SLC25A21: variants seen among roughly 807,000 people sequenced by gnomAD.
The protein encoded by SLC25A21 is mitochondrial 2-oxodicarboxylate carrier.
In SLC25A21, 47 loss-of-function variants were observed where a neutral mutation model predicts 43.8. The observed-to-expected ratio is 1.07, with a 90% CI of 0.85 to 1.37. The LOEUF (loss-of-function observed/expected upper bound fraction) is 1.37, where lower values mean the gene tolerates loss of function less well. SLC25A21 is among the 40% of genes most tolerant of loss of function. The pLI, the probability that SLC25A21 is intolerant of heterozygous loss-of-function variation, is 0.00. For synonymous variants in SLC25A21, 131 were observed against 121.3 expected (o/e 1.08, Z -0.52); for missense variants, 352 against 350.2 (o/e 1.00, Z -0.04).
intron 2 of SLC25A21, among the ~76,000 whole-genome samples, chr14:36,850,920 A>C (rs17105509): frequency 0.048 from 7,330 of 152,252 alleles, 278 homozygotes; most frequent in East Asian, 0.16. Flanking sequence ...CTGGCAACAG[A>C]GAGTCCTTTC....
At chr14:36,787,298 G>T (rs964215440) in intron 3 of SLC25A21, among the ~76,000 whole-genome samples, 1 of 152,188 alleles carries the variant, frequency 6.6e-6, no homozygotes, top group Non-Finnish European at 1.5e-5. Context: ...AAGTGGGGAA[G>T]CAGTAATTTA....
At chr14:36,691,166 T>A (rs1882780081) in intron 7 of SLC25A21, among the ~76,000 whole-genome samples, 1 of 152,214 alleles carries the variant, frequency 6.6e-6, no homozygotes, top group South Asian at 2.1e-4. Context: ...TATCGGTGAC[T>A]CTGAGACTGC....
intron 7 of SLC25A21, among the ~76,000 whole-genome samples, chr14:36,692,023 T>C (rs1009536354): frequency 6.6e-6 from 1 of 152,224 alleles, no homozygotes; most frequent in Non-Finnish European, 1.5e-5. Context: ...CATTCACAAA[T>C]GAGAAAACTG....
intron 1 of SLC25A21, among the ~76,000 whole-genome samples, chr14:36,951,744 A>G (rs1252875761): frequency 5.9e-5 from 9 of 152,174 alleles, no homozygotes; most frequent in South Asian, 4.1e-4. Context: ...ACACAGAATC[A>G]ATTCAGAGCT....
intron 3 of SLC25A21, among the ~76,000 whole-genome samples, chr14:36,791,571 G>C (rs1887484551): frequency 6.6e-6 from 1 of 152,080 alleles, no homozygotes; most frequent in Admixed American, 6.6e-5. Flanking sequence ...TTCAAACAAT[G>C]TAATAAAAAT....
At chr14:36,708,039 A>G (rs1217908027) in intron 7 of SLC25A21, among the ~76,000 whole-genome samples, 1 of 152,166 alleles carries the variant, frequency 6.6e-6, no homozygotes, top group Non-Finnish European at 1.5e-5. Flanking sequence ...AGGTGGGAGG[A>G]TCATTTGAGC....
chr14:37,172,070 A>G, intron 1 of SLC25A21: 1 of 547,840 alleles, frequency 1.8e-6, no homozygotes, highest in South Asian at 2.9e-5. Flanking sequence ...GCGGACGCCG[A>G]GGCAACTTTA....
At chr14:37,105,766 T>G (rs8005504) in intron 1 of SLC25A21, among the ~76,000 whole-genome samples, 123,959 of 152,050 alleles carry the variant, frequency 0.82, 53,316 homozygotes, top group South Asian at 0.98. Flanking sequence ...AGAATTCTAG[T>G]AGTAGAATTC....
intron 1 of SLC25A21, among the ~76,000 whole-genome samples, chr14:37,060,049 A>G (rs1026711627): frequency 6.6e-6 from 1 of 152,176 alleles, no homozygotes; most frequent in Non-Finnish European, 1.5e-5. Context: ...TATGGAATAA[A>G]TGTAACAAAT....
chr14:36,901,196 T>A (rs1397789185), intron 1 of SLC25A21, among the ~76,000 whole-genome samples: 1 of 152,206 alleles, frequency 6.6e-6, no homozygotes, highest in Non-Finnish European at 1.5e-5. Context: ...GATTTAGGAA[T>A]GGATCTTTGA....
At chr14:37,051,509 A>G (rs1223811762) in intron 1 of SLC25A21, among the ~76,000 whole-genome samples, 1 of 152,222 alleles carries the variant, frequency 6.6e-6, no homozygotes, top group Non-Finnish European at 1.5e-5. Flanking sequence ...ATGGTGACCT[A>G]TTCTTACCTA....
chr14:37,123,155 C>T (rs1448441417), intron 1 of SLC25A21, among the ~76,000 whole-genome samples: 36 of 152,160 alleles, frequency 2.4e-4, no homozygotes, highest in Admixed American at 2.4e-3. Context: ...AAAGAAAATA[C>T]TTCAAGGTTA....
At chr14:36,952,336 G>T (rs975323890) in intron 1 of SLC25A21, 1 of 153,710 alleles carries the variant, frequency 6.5e-6, no homozygotes, top group Non-Finnish European at 1.5e-5. Context: ...GCAGGAAATA[G>T]AAACAAATAG....
Position 37,155,448 on chromosome 14 carries a change from T to C in SLC25A21, c.70+16833A>G, listed in dbSNP as rs149078059. ...CAGATACAGGTGGCTCAACAATACCTAGGAAGATACAATGCCAAAAAGTTT... is the reference window on the plus strand; with the variant it reads ...CAGATACAGGTGGCTCAACAATACCCAGGAAGATACAATGCCAAAAAGTTT... On this transcript the variant is annotated intron_variant, in intron 1 of 9. Transcript: ENST00000331299. 6.3e-3 allele frequency among the ~76,000 whole-genome samples: 957 copies of C among 152,310 alleles called. 9 individuals carry two copies. The highest frequency in any genetic ancestry group is 0.02 in the African/African-American group (826 of 41,566).
At chr14:36,695,765 G>A (rs556580151) in intron 7 of SLC25A21, among the ~76,000 whole-genome samples, 1 of 152,334 alleles carries the variant, frequency 6.6e-6, no homozygotes, top group East Asian at 1.9e-4. Context: ...TTTGTATCCT[G>A]AGACTTTCCT....
In SLC25A21 at chr14:36,678,251, C is replaced by T. The variant is rs1246641382; in HGVS notation, c.*2407G>A. ...GGTTTTCAAATCACTAGGATGTAAA[C>T]AGTAAGCAGATTTCTGACACACAAA... On this transcript the variant is annotated 3_prime_UTR_variant, in exon 10 of 10. Transcript: ENST00000331299. The T allele has an allele frequency of 5.4e-6, 3 of 556,420 alleles. No homozygotes were observed. Among genetic ancestry groups the T allele is most frequent in the Non-Finnish European group, 6.4e-6 (2 of 311,210 alleles). The allele number at this position is 556,420 out of a possible 1,614,324, so 34.5% of individuals were successfully genotyped here.
At chr14:36,892,780 T>G (rs868202578) in intron 1 of SLC25A21, among the ~76,000 whole-genome samples, 8 of 152,030 alleles carry the variant, frequency 5.3e-5, no homozygotes, top group Non-Finnish European at 1.0e-4. Context: ...TTCCCACCTA[T>G]GAGTGAGAAC....
At chr14:37,040,626 C>T (rs973522008) in intron 1 of SLC25A21, among the ~76,000 whole-genome samples, 4 of 151,662 alleles carry the variant, frequency 2.6e-5, no homozygotes, top group Non-Finnish European at 5.9e-5. Context: ...ATTAAATTTA[C>T]TTTTTCTGTG....
chr14:37,001,094 C>T (rs778080022), intron 1 of SLC25A21, among the ~76,000 whole-genome samples: 5 of 152,126 alleles, frequency 3.3e-5, no homozygotes, highest in Non-Finnish European at 7.3e-5. Context: ...TAGCACTTGC[C>T]ACTTTCTGAT....
Sources: allele counts gnomAD v4.1 joint callset (sites outside exome capture counted in the v4.1 genomes callset), GRCh38; gene constraint gnomAD v4.1.1; transcripts MANE v1.5; gene names NCBI Gene and HGNC (gene_info 2026-07-23, HGNC 2026-07-21).